Variants in PTPRM observed in about 807,000 individuals in gnomAD.
The protein encoded by PTPRM is receptor-type tyrosine-protein phosphatase mu.
A neutral mutation model predicts 186.7 loss-of-function variants in PTPRM; 47 were observed. The observed-to-expected ratio is 0.25, with a 90% CI of 0.20 to 0.32. PTPRM has a LOEUF of 0.32. PTPRM is among the 10% of genes least tolerant of loss of function. PTPRM has a pLI of 1.00. For synonymous variants in PTPRM, 668 were observed against 674.9 expected (o/e 0.99, Z 0.16); for missense variants, 1,494 against 1,865.0 (o/e 0.80, Z 3.66).
intron 2 of PTPRM, among the ~76,000 whole-genome samples, chr18:7,787,478 CAT>C (rs773899654): frequency 6.6e-6 from 1 of 152,168 alleles, no homozygotes; most frequent in Non-Finnish European, 1.5e-5. Context: ...GTGAAAGTGA[CAT>C]GTGCTATTTT....
chr18:7,693,261 A>G (rs182264695), intron 1 of PTPRM, among the ~76,000 whole-genome samples: 22 of 152,316 alleles, frequency 1.4e-4, no homozygotes, highest in Non-Finnish European at 1.6e-4. Context: ...AACACTCCAC[A>G]TGCAGGATCT....
intron 7 of PTPRM, among the ~76,000 whole-genome samples, chr18:8,033,386 C>G (rs2086119665): frequency 6.6e-6 from 1 of 152,102 alleles, no homozygotes; most frequent in African/African-American, 2.4e-5. Context: ...ATGTGTCACT[C>G]AACAATAAGG....
At chr18:8,269,496 A>G (rs1198841029) in intron 19 of PTPRM, among the ~76,000 whole-genome samples, 1 of 151,946 alleles carries the variant, frequency 6.6e-6, no homozygotes, top group East Asian at 1.9e-4. Flanking sequence ...TGCAATCTCC[A>G]TTGAAATTCC....
chr18:8,241,145 T>C (rs1465138518), intron 14 of PTPRM, among the ~76,000 whole-genome samples: 1 of 152,096 alleles, frequency 6.6e-6, no homozygotes, highest in Non-Finnish European at 1.5e-5. Flanking sequence ...CTGGCCAACA[T>C]GGCGAAACCC....
intron 17 of PTPRM, among the ~76,000 whole-genome samples, chr18:8,250,551 A>G (rs9965774): frequency 0.49 from 74,252 of 151,858 alleles, 19,303 homozygotes; most frequent in African/African-American, 0.66. Flanking sequence ...AGGCCAAGGC[A>G]GGAAGATCGC....
chr18:7,654,096 G>A (rs1014286489), intron 1 of PTPRM, among the ~76,000 whole-genome samples: 3 of 151,942 alleles, frequency 2.0e-5, no homozygotes, highest in African/African-American at 7.3e-5. Flanking sequence ...TCATATGCTT[G>A]TTGGCCATAT....
At chr18:8,112,822 C>A (rs2145702029) in intron 11 of PTPRM, among the ~76,000 whole-genome samples, 1 of 152,280 alleles carries the variant, frequency 6.6e-6, no homozygotes, top group African/African-American at 2.4e-5. Flanking sequence ...CCAGCCCATT[C>A]TTATATGAGA....
intron 7 of PTPRM, among the ~76,000 whole-genome samples, chr18:7,975,563 A>G (rs757081860): frequency 2.6e-5 from 4 of 152,238 alleles, no homozygotes; most frequent in African/African-American, 4.8e-5. Flanking sequence ...CTTTCAGTCT[A>G]TGAGGTCTGC....
chr18:7,900,781 A>G (rs2049627141), intron 3 of PTPRM, among the ~76,000 whole-genome samples: 1 of 152,244 alleles, frequency 6.6e-6, no homozygotes, highest in Admixed American at 6.5e-5. Context: ...CACATAATTG[A>G]TGGGGGAAAA....
At chr18:8,251,530 C>A (rs920115881) in intron 17 of PTPRM, 1 of 152,190 alleles carries the variant, frequency 6.6e-6, no homozygotes, top group African/African-American at 2.4e-5. Flanking sequence ...ATGTGACTTG[C>A]TAAATTTCAA....
chr18:8,151,419 A>T (rs2093002530), intron 14 of PTPRM, among the ~76,000 whole-genome samples: 1 of 151,396 alleles, frequency 6.6e-6, no homozygotes, highest in African/African-American at 2.4e-5. Context: ...GGCTTTGTTT[A>T]TACTATGAGG....
Position 8,303,417 on chromosome 18 carries a change from C to T in PTPRM, c.2842+6962C>T, listed in dbSNP as rs538503144. On this transcript the variant is annotated intron_variant, in intron 20 of 32. Transcript: ENST00000580170. ...TGCTCACATTGAAGGCTTCACTTTTCTAACATTTTGTTTTATAGCAGTGTG... is the reference window on the plus strand; with the variant it reads ...TGCTCACATTGAAGGCTTCACTTTTTTAACATTTTGTTTTATAGCAGTGTG... Among the ~76,000 whole-genome samples, 3 of 152,264 alleles carry T rather than the reference C, an allele frequency of 2.0e-5. No homozygotes were observed. In the East Asian group the frequency reaches 5.8e-4, roughly 29 times the overall value.
chr18:8,391,011 A>G (rs1300900761), intron 31 of PTPRM, among the ~76,000 whole-genome samples: 8 of 151,872 alleles, frequency 5.3e-5, no homozygotes, highest in Admixed American at 5.3e-4. Context: ...AAGTTACTCA[A>G]TATTATTCAT....
At chr18:8,306,220 T>C (rs1359822056) in intron 20 of PTPRM, among the ~76,000 whole-genome samples, 1 of 152,150 alleles carries the variant, frequency 6.6e-6, no homozygotes, top group Non-Finnish European at 1.5e-5. Context: ...TAAGGGGAAC[T>C]AACTGTACTG....
At chr18:7,813,932 A>G (rs1271631328) in intron 2 of PTPRM, among the ~76,000 whole-genome samples, 1 of 152,184 alleles carries the variant, frequency 6.6e-6, no homozygotes, top group East Asian at 1.9e-4. Flanking sequence ...AAAAATTATT[A>G]TTAACATGGT....
intron 19 of PTPRM, among the ~76,000 whole-genome samples, chr18:8,266,176 T>G (rs553673803): frequency 6.6e-6 from 1 of 152,258 alleles, no homozygotes; most frequent in East Asian, 1.9e-4. Context: ...ATTGAGATGA[T>G]AAGGTTATAG....
At chr18:7,748,045 T>C (rs1027984283) in intron 1 of PTPRM, among the ~76,000 whole-genome samples, 15 of 152,178 alleles carry the variant, frequency 9.9e-5, no homozygotes, top group African/African-American at 3.6e-4. Context: ...AGGAAGGGAT[T>C]GTATGATTTT....
chr18:8,355,923 C>T (rs2095561077), intron 23 of PTPRM, among the ~76,000 whole-genome samples: 1 of 152,192 alleles, frequency 6.6e-6, no homozygotes, highest in Admixed American at 6.5e-5. Context: ...CTCTTTGTCA[C>T]TGTGCTCAGG....
At chr18:8,077,563 A>G (rs966899656) in intron 9 of PTPRM, among the ~76,000 whole-genome samples, 2 of 152,190 alleles carry the variant, frequency 1.3e-5, no homozygotes, top group Non-Finnish European at 2.9e-5. Context: ...AAAGAATTGA[A>G]TATTATGAAA....
Sources: gnomAD v4.1 joint callset for allele counts (sites outside exome capture counted in the v4.1 genomes callset) on GRCh38, gnomAD v4.1.1 for gene constraint, MANE v1.5 for transcripts, NCBI Gene and HGNC (gene_info 2026-07-23, HGNC 2026-07-21) for gene names.